LINGO1: variants seen among roughly 807,000 people sequenced by gnomAD.
LINGO1 encodes leucine-rich repeat and immunoglobulin-like domain-containing nogo receptor-interacting protein 1.
A neutral mutation model predicts 37.3 loss-of-function variants in LINGO1; 11 were observed. The observed-to-expected ratio is 0.29, with a 90% CI of 0.19 to 0.49. The LOEUF (loss-of-function observed/expected upper bound fraction) is 0.49. Ranked by LOEUF, LINGO1 falls within the 20% of genes least tolerant of loss-of-function variation. LINGO1 has a pLI of 0.99. For missense variants in LINGO1, 585 were observed against 878.2 expected (o/e 0.67, Z 4.22); for synonymous variants, 387 against 403.0 (o/e 0.96, Z 0.48).
At chr15:77,769,616 T>C (rs961355535) in intron 1 of LINGO1, among the ~76,000 whole-genome samples, 15 of 152,130 alleles carry the variant, frequency 9.9e-5, no homozygotes, top group South Asian at 2.1e-4. Flanking sequence ...GGCAGGAGGA[T>C]TGCCATGGAG....
chr15:77,676,538 C>T (rs1451711002), intron 3 of LINGO1, among the ~76,000 whole-genome samples: 3 of 152,174 alleles, frequency 2.0e-5, no homozygotes, highest in African/African-American at 4.8e-5. Context: ...CAGAAATGGC[C>T]TATCTCAGGC....
At chr15:77,741,674 C>T (rs1464396448) in intron 1 of LINGO1, among the ~76,000 whole-genome samples, 2 of 152,230 alleles carry the variant, frequency 1.3e-5, no homozygotes, top group African/African-American at 4.8e-5. Context: ...GTTCCGCAGA[C>T]AAGTAGCTTC....
At chr15:77,670,243 G>A (rs2075224418) in intron 3 of LINGO1, among the ~76,000 whole-genome samples, 1 of 152,174 alleles carries the variant, frequency 6.6e-6, no homozygotes, top group South Asian at 2.1e-4. Flanking sequence ...TTTCCTTTCG[G>A]GGTGATGAAA....
At chr15:77,671,640 G>C (rs776635284) in intron 3 of LINGO1, among the ~76,000 whole-genome samples, 1 of 152,242 alleles carries the variant, frequency 6.6e-6, no homozygotes, top group Non-Finnish European at 1.5e-5. Context: ...GTGAGGTGGG[G>C]AGCAGCGGTG....
rs540790786 is a variant in LINGO1 at position 77,767,758 on chromosome 15, A to G, written c.-257+19111T>C. Reference sequence around the variant, plus strand: ...AAAAGCCTCTCTCCACCCCCACTAAAAAGACAGTCATTAACTCCAGGGAAA... The same window carrying G: ...AAAAGCCTCTCTCCACCCCCACTAAGAAGACAGTCATTAACTCCAGGGAAA... On this transcript the variant is annotated intron_variant, in intron 1 of 3. Coordinates refer to the LINGO1 transcript ENST00000561686. Among the ~76,000 whole-genome samples, 5 of 152,348 alleles carry G rather than the reference A, an allele frequency of 3.3e-5. 1 individual carries two copies. Among genetic ancestry groups the G allele is most frequent in the African/African-American group, 1.2e-4 (5 of 41,570 alleles).
At position 77,613,431 on chromosome 15, in the gene LINGO1, G is replaced by T. The variant is rs2073574898; in HGVS notation, c.*613C>A. 1 of 154,462 alleles carries T rather than the reference G, an allele frequency of 6.5e-6. No homozygotes were observed. The highest frequency in any genetic ancestry group is 1.4e-5 in the Non-Finnish European group (1 of 69,508). The allele number at this position is 154,462 out of a possible 1,614,324, so 9.6% of individuals were successfully genotyped here. ...CTGCGCCCTGCAAAAAGCCAGCCCG[G>T]AGCTGGGCCCAGGCCTGCCCCCTAG... On this transcript the variant is annotated 3_prime_UTR_variant, in exon 2 of 2. Transcript: ENST00000355300.
At chr15:77,734,094 G>A (rs1030817404) in intron 2 of LINGO1, among the ~76,000 whole-genome samples, 40 of 152,138 alleles carry the variant, frequency 2.6e-4, no homozygotes, top group Admixed American at 2.0e-3. Flanking sequence ...TGGGCCGTGC[G>A]GCAAGTTAGG....
chr15:77,676,747 G>A (rs577405382), intron 3 of LINGO1, among the ~76,000 whole-genome samples: 10 of 152,204 alleles, frequency 6.6e-5, no homozygotes, highest in Non-Finnish European at 1.2e-4. Flanking sequence ...GGTGTGTGGC[G>A]CAAAACAAAG....
chr15:77,808,319 C>T (rs1267326408), intron 1 of LINGO1, among the ~76,000 whole-genome samples: 2 of 152,146 alleles, frequency 1.3e-5, no homozygotes, highest in Non-Finnish European at 2.9e-5. Context: ...TCAGTTTCGC[C>T]GCAAGGCCTT....
In LINGO1 at chr15:77,616,595, G is replaced by A. The variant is rs569725657; in HGVS notation, c.7-695C>T. On this transcript the variant is annotated intron_variant, in intron 1 of 1. Coordinates refer to ENST00000355300, the MANE Select transcript of LINGO1 (RefSeq NM_032808.7). ...TGCTGGGGGACACCCTCATCCAGAA[G>A]GCCCAGCCCTGAAGCTGCCCTCCCT... 4.6e-5 allele frequency among the ~76,000 whole-genome samples: 7 copies of A among 152,286 alleles called. No individual in the cohort carries two copies. In the South Asian group the frequency reaches 1.4e-3, roughly 32 times the overall value.
intron 1 of LINGO1, among the ~76,000 whole-genome samples, chr15:77,807,264 G>A (rs2076967938): frequency 6.6e-6 from 1 of 152,216 alleles, no homozygotes; most frequent in Non-Finnish European, 1.5e-5. Flanking sequence ...GATTATGTTT[G>A]TGTGGTGGTG....
chr15:77,781,109 C>T (rs1323530592), intron 1 of LINGO1, among the ~76,000 whole-genome samples: 1 of 152,234 alleles, frequency 6.6e-6, no homozygotes, highest in East Asian at 1.9e-4. Context: ...TCAGTGATTT[C>T]TTTGAGATTT....
chr15:77,776,650 G>T (rs2076658927), intron 1 of LINGO1, among the ~76,000 whole-genome samples: 1 of 152,110 alleles, frequency 6.6e-6, no homozygotes, highest in African/African-American at 2.4e-5. Context: ...TGTGCAGGAG[G>T]CTGGTGTTAT....
Position 77,614,505 on chromosome 15 carries a change from C to T in LINGO1, c.1402G>A (p.Ala468Thr), listed in dbSNP as rs372837605. The T allele has an allele frequency of 3.7e-6, 6 of 1,610,664 alleles. No homozygotes were observed. The African/African-American group carries it at 4.0e-5, about 11-fold the overall frequency. ...ACTGTGAGCCGCCCATTGCTCTTGGCTGAGACCAGGTGCTTTCGGGGTGAG... is the reference window on the plus strand; with the variant it reads ...ACTGTGAGCCGCCCATTGCTCTTGGTTGAGACCAGGTGCTTTCGGGGTGAG... ...WLSPRKHLVSAKSNGRLTVFP... is the reference protein window; with the variant it reads ...WLSPRKHLVSTKSNGRLTVFP... Residue 468 changes from alanine to threonine, a missense_variant, in exon 2 of 2, where the codon GCC (alanine) becomes ACC (threonine). Ala to Thr is a moderately conservative substitution (Grantham distance 58). Around this residue, in one of 4 missense-constraint regions of LINGO1, gnomAD observed 484 missense variants for 735.0 expected, o/e 0.66. Coordinates refer to ENST00000355300, the MANE Select transcript of LINGO1 (RefSeq NM_032808.7).
upstream of LINGO1, among the ~76,000 whole-genome samples, chr15:77,635,953 C>G (rs536652797): frequency 5.9e-5 from 9 of 152,242 alleles, no homozygotes; most frequent in East Asian, 1.9e-4. Flanking sequence ...TGGGTTTGCC[C>G]GGGAACACAG....
intron 1 of LINGO1, among the ~76,000 whole-genome samples, chr15:77,805,443 C>G (rs980158300): frequency 3.9e-5 from 6 of 152,318 alleles, no homozygotes; most frequent in African/African-American, 1.2e-4. Context: ...TCCCCAGAGT[C>G]TGATGCTTTG....
Position 77,632,426 on chromosome 15 carries a change from C to G in LINGO1, c.-111G>C. ...CCCCCTCCTCCGTTTCCTCCTCCTC[C>G]GACACCTCCGCCCGGCAGTCCGCGC... On this transcript the variant is annotated 5_prime_UTR_variant, in exon 1 of 2. Coordinates refer to ENST00000355300, the MANE Select transcript of LINGO1 (RefSeq NM_032808.7). The surrounding 1 kb of genome is among the most constrained non-coding windows in gnomAD (Gnocchi z 6.0). 3 of 1,162,712 alleles carry G rather than the reference C, an allele frequency of 2.6e-6. No individual in the cohort carries two copies. The highest frequency in any genetic ancestry group is 3.3e-6 in the Non-Finnish European group (3 of 916,722). 72.0% of individuals were successfully genotyped at this position (1,162,712 alleles called of 1,614,324 possible). A position where few individuals can be genotyped will look rare whatever the true frequency, so the allele number is the denominator to read the frequency against.
intron 1 of LINGO1, among the ~76,000 whole-genome samples, chr15:77,748,909 C>CT (rs67399483): frequency 0.016 from 1,371 of 87,792 alleles, 80 homozygotes; most frequent in African/African-American, 0.051. Context: ...CCTTCCTTCT[C>CT]TTTTTTTTTT....
At chr15:77,729,230 G>A (rs2076131772) in intron 2 of LINGO1, among the ~76,000 whole-genome samples, 1 of 152,212 alleles carries the variant, frequency 6.6e-6, no homozygotes, top group South Asian at 2.1e-4. Context: ...CACTTGCAGA[G>A]TTGGGCTAAG....
Sources: allele counts gnomAD v4.1 joint callset (sites outside exome capture counted in the v4.1 genomes callset), GRCh38; gene constraint gnomAD v4.1.1; regional missense constraint gnomAD v4.1.1; non-coding constraint Gnocchi (gnomAD v3.1); transcripts MANE v1.5; gene names NCBI Gene and HGNC (gene_info 2026-07-23, HGNC 2026-07-21).